Variants in PTPN4 observed in about 807,000 individuals in gnomAD.
PTPN4 encodes tyrosine-protein phosphatase non-receptor type 4.
A neutral mutation model predicts 135.5 loss-of-function variants in PTPN4; 49 were observed. The ratio of observed to expected loss-of-function variants is 0.36; its 90% CI spans 0.29 to 0.46. The LOEUF (loss-of-function observed/expected upper bound fraction) is 0.46. Among genes scored for constraint, PTPN4 ranks in the 20% least tolerant of loss-of-function variants. The pLI is 1.00. For synonymous variants in PTPN4, 333 were observed against 369.9 expected (o/e 0.90, Z 1.14); for missense variants, 860 against 1,101.0 (o/e 0.78, Z 3.10).
chr2:119,765,007 AAAAACCTCGGG>A, intron 1 of PTPN4, among the ~76,000 whole-genome samples: 1 of 152,188 alleles, frequency 6.6e-6, no homozygotes, highest in East Asian at 1.9e-4. Flanking sequence ...ATCTAGCGTC[AAAAACCTCGGG>A]CAAACTGTCT....
intron 13 of PTPN4, among the ~76,000 whole-genome samples, chr2:119,931,433 C>CTTT (rs1158907026): frequency 1.2e-3 from 100 of 83,360 alleles, no homozygotes; most frequent in African/African-American, 1.9e-3. Flanking sequence ...TTCTTTCTTT[C>CTTT]TTTTTTTTTT....
At chr2:119,850,941 A>G (rs1677581886) in intron 2 of PTPN4, among the ~76,000 whole-genome samples, 1 of 152,152 alleles carries the variant, frequency 6.6e-6, no homozygotes, top group Non-Finnish European at 1.5e-5. Context: ...TGCTACTATT[A>G]ATATTTTTTG....
chr2:119,973,684 G>GTTTTTTTTTTTTTTTTTTTTTTTT (rs1574428169), intron 26 of PTPN4, among the ~76,000 whole-genome samples: 3 of 11,328 alleles, frequency 2.6e-4, no homozygotes, highest in African/African-American at 9.4e-4. Context: ...TTTTTTTTTG[G>GTTTTTTTTTTTTTTTTTTTTTTTT]TAATTTACTT....
chr2:119,934,708 A>G, intron 14 of PTPN4, 92 bp from the exon 15 acceptor site: 3 of 1,291,602 alleles, frequency 2.3e-6, no homozygotes, highest in Non-Finnish European at 3.3e-6. Context: ...TTAAAAACAC[A>G]TACCCCCTTT....
At chr2:119,788,051 A>G (rs996228921) in intron 1 of PTPN4, among the ~76,000 whole-genome samples, 2 of 152,184 alleles carry the variant, frequency 1.3e-5, no homozygotes, top group Non-Finnish European at 2.9e-5. Flanking sequence ...AATAAATATG[A>G]CATATTAAAC....
At chr2:119,917,554 C>A (rs1162138714) in intron 11 of PTPN4, among the ~76,000 whole-genome samples, 1 of 152,002 alleles carries the variant, frequency 6.6e-6, no homozygotes, top group Non-Finnish European at 1.5e-5. Flanking sequence ...GCCCACATGG[C>A]AAAACCCCAT....
intron 2 of PTPN4, among the ~76,000 whole-genome samples, chr2:119,813,382 G>A (rs1454544961): frequency 6.6e-6 from 1 of 151,980 alleles, no homozygotes; most frequent in Admixed American, 6.6e-5. Flanking sequence ...CTAGTAGCTG[G>A]GATTACAGGC....
chr2:119,790,530 T>C (rs1691124921), intron 1 of PTPN4, among the ~76,000 whole-genome samples: 1 of 151,956 alleles, frequency 6.6e-6, no homozygotes, highest in South Asian at 2.1e-4. Flanking sequence ...GTTGTTACTT[T>C]TTTGGGGTAT....
At chr2:119,969,589 C>A (rs371567325) in intron 26 of PTPN4, among the ~76,000 whole-genome samples, 1 of 115,592 alleles carries the variant, frequency 8.7e-6, no homozygotes. Flanking sequence ...GACGGAGTCT[C>A]GCTTTGTCGC....
At chr2:119,830,821 T>C (rs758644712) in intron 2 of PTPN4, among the ~76,000 whole-genome samples, 6 of 152,080 alleles carry the variant, frequency 3.9e-5, no homozygotes, top group Non-Finnish European at 7.4e-5. Context: ...CTCTTTGCCT[T>C]CCACTATGAT....
At chr2:119,920,044 C>T (rs200488991) in intron 11 of PTPN4, 25 bp from the exon 12 acceptor site, 1 of 1,580,296 alleles carries the variant, frequency 6.3e-7, no homozygotes, top group Admixed American at 1.9e-5. Flanking sequence ...TCCTGGTATT[C>T]TCTGCATTTT....
chr2:119,875,131 T>G (rs887009739), intron 3 of PTPN4, among the ~76,000 whole-genome samples: 16 of 152,322 alleles, frequency 1.1e-4, no homozygotes, highest in African/African-American at 3.6e-4. Context: ...TATTGATGTG[T>G]AGAACTTGTT....
At position 119,766,370 on chromosome 2, in the gene PTPN4, C is replaced by T. The variant is rs1035592373; in HGVS notation, c.-18+5986C>T. Among the ~76,000 whole-genome samples the T allele has an allele frequency of 2.0e-5, 3 of 151,920 alleles. No homozygotes were observed. The East Asian group carries it at 5.8e-4, about 29-fold the overall frequency. ...AAGGTAAACTTAAGAATTCTTAAGT[C>T]ACCTTCCTCTTTCTCTCTCTTTTTC... On this transcript the variant is annotated intron_variant, in intron 1 of 26. Coordinates refer to ENST00000263708, the MANE Select transcript of PTPN4 (RefSeq NM_002830.4).
intron 2 of PTPN4, among the ~76,000 whole-genome samples, chr2:119,853,858 A>G (rs1197044240): frequency 6.6e-6 from 1 of 152,136 alleles, no homozygotes; most frequent in Non-Finnish European, 1.5e-5. Flanking sequence ...GAGGAACACC[A>G]GGGTCCTTTG....
intron 2 of PTPN4, among the ~76,000 whole-genome samples, chr2:119,851,332 G>A (rs534283933): frequency 6.6e-6 from 1 of 152,236 alleles, no homozygotes; most frequent in East Asian, 1.9e-4. Context: ...AGAGACTGAG[G>A]CAAGTTTCAG....
intron 11 of PTPN4, among the ~76,000 whole-genome samples, chr2:119,917,537 C>T (rs1678671444): frequency 6.6e-6 from 1 of 152,064 alleles, no homozygotes; most frequent in Non-Finnish European, 1.5e-5. Context: ...AGTTCAAGAC[C>T]AGCCTGGCCC....
chr2:119,898,966 C>G (rs1678364869), intron 9 of PTPN4, among the ~76,000 whole-genome samples: 1 of 152,116 alleles, frequency 6.6e-6, no homozygotes, highest in Admixed American at 6.6e-5. Context: ...TCCACAAATA[C>G]TTGATGATTT....
chr2:119,862,487 A>G (rs1677774972), intron 2 of PTPN4, 49 bp from the exon 3 acceptor site: 3 of 1,510,980 alleles, frequency 2.0e-6, no homozygotes, highest in Non-Finnish European at 2.7e-6. Flanking sequence ...AATGTGAAGA[A>G]TGTAACCTAT....
intron 1 of PTPN4, among the ~76,000 whole-genome samples, chr2:119,793,271 G>A (rs1439755289): frequency 1.3e-5 from 2 of 152,072 alleles, no homozygotes; most frequent in African/African-American, 4.8e-5. Context: ...TCCTTACTGG[G>A]GAAAGAATTC....
Sources: allele counts gnomAD v4.1 joint callset (sites outside exome capture counted in the v4.1 genomes callset), GRCh38; gene constraint gnomAD v4.1.1; transcripts MANE v1.5; gene names NCBI Gene and HGNC (gene_info 2026-07-23, HGNC 2026-07-21).